The following GCH1 variants were observed in gnomAD, a reference collection of about 807,000 sequenced individuals.
The protein encoded by GCH1 is GTP cyclohydrolase 1, also known as GTP cyclohydrolase I.
A neutral mutation model predicts 25.9 loss-of-function variants in GCH1; 5 were observed. That is an observed-to-expected ratio of 0.19 (90% CI 0.10 to 0.41). GCH1 has a LOEUF of 0.41. Among genes scored for constraint, GCH1 ranks in the 10% least tolerant of loss-of-function variants. The pLI is 1.00. For synonymous variants in GCH1, 159 were observed against 129.6 expected, an observed-to-expected ratio of 1.23 and a Z score of -1.54; for missense variants, 261 against 336.5, an observed-to-expected ratio of 0.78 and a Z score of 1.75.
At chr14:54,874,733 C>T (rs1048500155) in intron 1 of GCH1, among the ~76,000 whole-genome samples, 5 of 152,150 alleles carry the variant, frequency 3.3e-5, no homozygotes, top group African/African-American at 1.2e-4. Context: ...AGTGAACTCC[C>T]ATTCACAATT....
At chr14:54,863,499 CAA>C (rs1209956263) in intron 2 of GCH1, among the ~76,000 whole-genome samples, 598 of 17,846 alleles carry the variant, frequency 0.034, 5 homozygotes, top group African/African-American at 0.12. Context: ...TTTGTAATAG[CAA>C]AAAAAAAAAA....
intron 1 of GCH1, among the ~76,000 whole-genome samples, chr14:54,897,585 G>C (rs193299454): frequency 6.6e-6 from 1 of 151,898 alleles, no homozygotes; most frequent in Non-Finnish European, 1.5e-5. Flanking sequence ...CACCGCGCCC[G>C]GCTACTCCAC....
intron 1 of GCH1, among the ~76,000 whole-genome samples, chr14:54,866,046 T>C (rs564311914): frequency 2.1e-4 from 32 of 152,284 alleles, no homozygotes; most frequent in African/African-American, 7.0e-4. Context: ...TGGGAAGGCT[T>C]TGGAAGATAA....
intron 3 of GCH1, among the ~76,000 whole-genome samples, chr14:54,858,619 T>C (rs2039849972): frequency 6.6e-6 from 1 of 151,784 alleles, no homozygotes; most frequent in Non-Finnish European, 1.5e-5. Context: ...ATATGGTCAC[T>C]ATAACCTCAA....
chr14:54,878,723 CTG>C (rs2040199175), intron 1 of GCH1, among the ~76,000 whole-genome samples: 1 of 152,168 alleles, frequency 6.6e-6, no homozygotes, highest in Non-Finnish European at 1.5e-5. Context: ...CATAGATCTT[CTG>C]TGTTTATTCA....
intron 3 of GCH1, 82 bp from the exon 4 acceptor site, chr14:54,847,212 C>A: frequency 1.6e-6 from 1 of 618,182 alleles, no homozygotes; most frequent in South Asian, 1.7e-5. Context: ...ACAAAAAGGA[C>A]ATTGTTGAAG....
chr14:54,849,407 C>T (rs1468726728), intron 3 of GCH1, among the ~76,000 whole-genome samples: 1 of 152,146 alleles, frequency 6.6e-6, no homozygotes, highest in Non-Finnish European at 1.5e-5. Flanking sequence ...TTGCTGGGAA[C>T]CGAATTCTAG....
intron 3 of GCH1, among the ~76,000 whole-genome samples, chr14:54,850,252 G>C (rs2039706801): frequency 1.3e-5 from 2 of 151,026 alleles, no homozygotes; most frequent in South Asian, 4.2e-4. Context: ...GATTAAAGGT[G>C]TGAGCCACCA....
At chr14:54,879,338 T>C (rs947374267) in intron 1 of GCH1, among the ~76,000 whole-genome samples, 9 of 149,090 alleles carry the variant, frequency 6.0e-5, no homozygotes, top group African/African-American at 2.2e-4. Flanking sequence ...CGAGAATCAC[T>C]TGAACCTGGG....
In GCH1 at chr14:54,844,189, C is replaced by A. The variant is rs1454094366; in HGVS notation, c.627-46G>T. ...GGTTGTTTAAAGGAGTAGACAGCTG[C>A]TGGTTTGGTTTTTAAAAGCAGGCCT... On this transcript the variant is annotated intron_variant, in intron 5 of 5. Coordinates refer to ENST00000491895, the MANE Select transcript of GCH1 (RefSeq NM_000161.3). The A allele has an allele frequency of 6.5e-6, 9 of 1,378,380 alleles. No individual in the cohort carries two copies. The Admixed American group carries it at 1.3e-4, about 21-fold the overall frequency. 85.4% of individuals were successfully genotyped at this position (1,378,380 alleles called of 1,614,324 possible).
intron 5 of GCH1, among the ~76,000 whole-genome samples, chr14:54,845,302 AC>A (rs2039624613): frequency 6.9e-6 from 1 of 144,648 alleles, no homozygotes; most frequent in African/African-American, 2.5e-5. Flanking sequence ...ACATGATGAA[AC>A]CCCATCTCTA....
At chr14:54,863,338 C>T (rs928752180) in intron 2 of GCH1, among the ~76,000 whole-genome samples, 5 of 140,682 alleles carry the variant, frequency 3.6e-5, no homozygotes, top group African/African-American at 1.3e-4. Flanking sequence ...GAGAGAATGG[C>T]GTGAACCCGG....
Position 54,893,858 on chromosome 14 carries a change from G to A in GCH1, c.343+8463C>T, listed in dbSNP as rs117299623. On this transcript the variant is annotated intron_variant, in intron 1 of 5. Coordinates refer to ENST00000491895, the MANE Select transcript of GCH1 (RefSeq NM_000161.3). ...TTCATGCTCCCATCTCCTGGCATTG[G>A]TCAAGTTCCTATGCCAAGTGCTCTC... Among the ~76,000 whole-genome samples, 355 of 152,304 alleles carry A rather than the reference G, an allele frequency of 2.3e-3. 11 individuals carry two copies. The South Asian group carries it at 0.043, about 18-fold the overall frequency.
At chr14:54,892,946 G>C (rs112165923) in intron 1 of GCH1, among the ~76,000 whole-genome samples, 14,225 of 152,050 alleles carry the variant, frequency 0.094, 768 homozygotes, top group East Asian at 0.18. Flanking sequence ...GAGCATGGTG[G>C]TGGGCACCTG....
chr14:54,871,922 T>C (rs1468018141), intron 1 of GCH1, among the ~76,000 whole-genome samples: 2 of 152,206 alleles, frequency 1.3e-5, no homozygotes, highest in Non-Finnish European at 2.9e-5. Context: ...GAAAACACTC[T>C]GCAGGATATC....
intron 1 of GCH1, among the ~76,000 whole-genome samples, 194 bp downstream of exon 1, chr14:54,902,127 A>AC (rs1329145190): frequency 3.3e-5 from 5 of 152,206 alleles, no homozygotes; most frequent in Admixed American, 2.0e-4. Context: ...GGTCGCTGCC[A>AC]CCCAGGAAGC....
At chr14:54,878,980 T>C (rs10143025) in intron 1 of GCH1, among the ~76,000 whole-genome samples, 1,756 of 152,222 alleles carry the variant, frequency 0.012, 44 homozygotes, top group African/African-American at 0.041. Context: ...CAGGCTGATC[T>C]TGAACTCCTG....
chr14:54,900,259 G>C (rs1322311091), intron 1 of GCH1, among the ~76,000 whole-genome samples: 1 of 151,598 alleles, frequency 6.6e-6, no homozygotes, highest in Non-Finnish European at 1.5e-5. Flanking sequence ...GTCCAGGCTG[G>C]AGTGCAGTGG....
chr14:54,883,662 G>A (rs535895595), intron 1 of GCH1, among the ~76,000 whole-genome samples: 1 of 152,120 alleles, frequency 6.6e-6, no homozygotes, highest in Non-Finnish European at 1.5e-5. Context: ...CTGGGAGACA[G>A]AGCAAGATTC....
Sources: gnomAD v4.1 joint callset for allele counts (sites outside exome capture counted in the v4.1 genomes callset) on GRCh38, gnomAD v4.1.1 for gene constraint, MANE v1.5 for transcripts, NCBI Gene and HGNC (gene_info 2026-07-23, HGNC 2026-07-21) for gene names.